Variants in TDG observed in about 807,000 individuals in gnomAD.
The protein encoded by TDG is G/T mismatch-specific thymine DNA glycosylase.
Under a neutral mutation model 46.1 loss-of-function variants are expected in TDG, and 23 were observed. The ratio of observed to expected loss-of-function variants is 0.50; its 90% confidence interval spans 0.36 to 0.71. The LOEUF is 0.71. Among genes scored for constraint, TDG ranks in the 30% least tolerant of loss-of-function variants. TDG has a pLI of 0.00. For missense variants in TDG, 304 were observed against 486.7 expected (o/e 0.62, Z 3.53); for synonymous variants, 115 against 161.3 (o/e 0.71, Z 2.18).
chr12:103,979,148 G>A (rs1049221182), intron 2 of TDG, among the ~76,000 whole-genome samples: 2 of 115,638 alleles, frequency 1.7e-5, no homozygotes, highest in African/African-American at 6.7e-5. Flanking sequence ...TGTTGCCCAG[G>A]CTGGAATGCA....
chr12:103,970,113 G>A (rs964881300), intron 1 of TDG, among the ~76,000 whole-genome samples: 1 of 152,034 alleles, frequency 6.6e-6, no homozygotes, highest in Non-Finnish European at 1.5e-5. Context: ...ATTTAGCCTT[G>A]TTCATTATTT....
intron 1 of TDG, chr12:103,973,009 T>G (rs1871351400): frequency 1.4e-6 from 1 of 702,098 alleles, no homozygotes; most frequent in Non-Finnish European, 2.6e-6. Flanking sequence ...ATTCTGAGAG[T>G]AGTAGTAAGA....
At position 103,982,833 on chromosome 12, in the gene TDG, C is replaced by A; in HGVS notation, c.513C>A (p.Val171=). ...KCLFMSGLSE[V]QLNHMDDHTL... is the part of the protein sequence containing the mutation. ...TGTTTATGTCAGGGCTCAGTGAGGT[C>A]CAGCTGAACCATATGGATGATCACA... Residue 171 remains valine, a synonymous_variant, in exon 5 of 10, where the codon GTC becomes GTA. Coordinates refer to ENST00000392872, the MANE Select transcript of TDG (RefSeq NM_003211.6). 6.2e-7 allele frequency: 1 copy of A among 1,613,578 alleles called. No homozygotes were observed. Among genetic ancestry groups the A allele is most frequent in the Non-Finnish European group, 8.5e-7 (1 of 1,179,976 alleles).
chr12:103,976,837 G>A, intron 1 of TDG, 81 bp from the exon 2 acceptor site: 1 of 1,548,384 alleles, frequency 6.5e-7, no homozygotes, highest in Admixed American at 1.8e-5. Flanking sequence ...ATACTGTACT[G>A]AAGATTTTTG....
intron 7 of TDG, 28 bp from the exon 8 acceptor site, chr12:103,984,721 C>T (rs758622501): frequency 3.6e-6 from 5 of 1,389,624 alleles, no homozygotes; most frequent in Non-Finnish European, 4.7e-6. Flanking sequence ...TATAAGATTT[C>T]TGAAATTATA....
intron 1 of TDG, among the ~76,000 whole-genome samples, chr12:103,966,878 T>C (rs1871060430): frequency 6.6e-6 from 1 of 152,208 alleles, no homozygotes; most frequent in African/African-American, 2.4e-5. Flanking sequence ...AAGGGACTTA[T>C]ATGGGCCTGT....
intron 1 of TDG, among the ~76,000 whole-genome samples, chr12:103,970,877 C>G (rs2136232594): frequency 6.6e-6 from 1 of 152,194 alleles, no homozygotes; most frequent in South Asian, 2.1e-4. Flanking sequence ...AGTCGACCTT[C>G]CATATCTATG....
rs1872176204 is a variant in TDG, at chr12:103,986,836, G to A, written c.1091-112G>A. ...GGAGTTTGAGGCTGCAAAGAGCTGT[G>A]ATCATGCCACTGCATTCCAGCCTGG... is the stretch of plus-strand genomic sequence containing the variant. On this transcript the variant is annotated intron_variant, in intron 9 of 9. Coordinates refer to ENST00000392872, the MANE Select transcript of TDG (RefSeq NM_003211.6). 9.3e-6 allele frequency: 11 copies of A among 1,186,244 alleles called. No homozygotes were observed. The South Asian group carries it at 1.6e-4, about 17-fold the overall frequency. The allele number at this position is 1,186,244 out of a possible 1,614,324, so 73.5% of individuals were successfully genotyped here.
In TDG at chr12:103,983,225, T is replaced by C. The variant is rs1871950160; in HGVS notation, c.697+7T>C. On this transcript the variant is annotated splice_region_variant and intron_variant, in intron 6 of 9. Transcript: ENST00000392872. ...GCAGTGTTTAATGGAAAATGTAAGA[T>C]TTACTTTTAAATTTTTTTTTTCTTT... The C allele has an allele frequency of 6.4e-7, 1 of 1,571,264 alleles. No homozygotes were observed. Among genetic ancestry groups the C allele is most frequent in the East Asian group, 2.3e-5 (1 of 44,272 alleles).
In TDG at chr12:103,987,274, G is replaced by A. The variant is rs1384102040; in HGVS notation, c.*184G>A. On this transcript the variant is annotated 3_prime_UTR_variant, in exon 10 of 10. Coordinates refer to ENST00000392872, the MANE Select transcript of TDG (RefSeq NM_003211.6). ...TAAGTAGTTTGGAAGAAAAAGTAGG[G>A]TTTTTGTATACTAGCTTTTGTATTT... 2.7e-6 allele frequency: 2 copies of A among 751,388 alleles called. No individual in the cohort carries two copies. Among genetic ancestry groups the A allele is most frequent in the Non-Finnish European group, 3.9e-6 (2 of 506,908 alleles). 46.5% of individuals were successfully genotyped at this position (751,388 alleles called of 1,614,324 possible).
intron 1 of TDG, among the ~76,000 whole-genome samples, chr12:103,973,773 CTTAG>C (rs1008851432): frequency 1.3e-5 from 2 of 152,074 alleles, no homozygotes; most frequent in African/African-American, 2.4e-5. Flanking sequence ...TATGTGTAGC[CTTAG>C]TTATACTATT....
At chr12:103,986,403 T>G (rs1040572964) in intron 9 of TDG, 2 of 152,282 alleles carry the variant, frequency 1.3e-5, no homozygotes, top group Non-Finnish European at 2.9e-5. Flanking sequence ...CTTTGATCAT[T>G]TAAAACTTCC....
chr12:103,980,281 T>C (rs1005191659), intron 3 of TDG: 59 of 605,570 alleles, frequency 9.7e-5, no homozygotes, highest in African/African-American at 9.4e-4. Context: ...TCAAATCCTG[T>C]CACAAGTATA....
chr12:103,968,307 G>C (rs1311631874), intron 1 of TDG, among the ~76,000 whole-genome samples: 1 of 152,212 alleles, frequency 6.6e-6, no homozygotes, highest in Admixed American at 6.5e-5. Flanking sequence ...AACTGGAAGA[G>C]AGTAGCATGG....
Position 103,982,854 on chromosome 12 carries a change from T to A in TDG, c.534T>A (p.Asp178Glu). 1 of 1,614,030 alleles carries A rather than the reference T, an allele frequency of 6.2e-7. No homozygotes were observed. Among genetic ancestry groups the A allele is most frequent in the Non-Finnish European group, 8.5e-7 (1 of 1,180,036 alleles). ...AGGTCCAGCTGAACCATATGGATGA[T>A]CACACTCTACCAGGGAAGTATGGTA... ...LSEVQLNHMD[D>E]HTLPGKYGIG... The change falls in exon 5 of 10, where the codon GAT (aspartate) becomes GAA (glutamate). Residue 178 changes from aspartate (D) to glutamate (E), a missense_variant. Asp to Glu is a conservative substitution (Grantham distance 45, BLOSUM62 2). Coordinates refer to ENST00000392872, the MANE Select transcript of TDG (RefSeq NM_003211.6).
At chr12:103,983,458 G>A in intron 7 of TDG, 69 bp downstream of exon 7, 2 of 1,182,168 alleles carry the variant, frequency 1.7e-6, no homozygotes, top group Non-Finnish European at 2.4e-6. Flanking sequence ...TTCCTTATTT[G>A]TCCTATCCAT....
In TDG at chr12:103,988,156, G is replaced by A. The variant is rs1295512180; in HGVS notation, c.*1066G>A. On this transcript the variant is annotated 3_prime_UTR_variant, in exon 10 of 10. Transcript: ENST00000392872. The stretch of plus-strand genomic sequence containing the variant: ...GTGATTTTCTAATGAGTTTTCCATG[G>A]TGCTACAAATAATCCAGACTACCAG... 5.2e-5 allele frequency: 8 copies of A among 152,726 alleles called. No individual in the cohort carries two copies. The highest frequency in any genetic ancestry group is 1.9e-4 in the African/African-American group (8 of 41,602). 9.5% of individuals were successfully genotyped at this position (152,726 alleles called of 1,614,324 possible).
intron 2 of TDG, among the ~76,000 whole-genome samples, chr12:103,979,153 A>G (rs926852387): frequency 6.9e-5 from 9 of 129,906 alleles, no homozygotes; most frequent in African/African-American, 2.7e-4. Flanking sequence ...CCCAGGCTGG[A>G]ATGCAGAGGC....
Position 103,980,846 on chromosome 12 carries a change from T to C in TDG, c.409-47T>C, listed in dbSNP as rs1871785748. The C allele has an allele frequency of 2.5e-6, 4 of 1,576,974 alleles. No individual in the cohort carries two copies. In the East Asian group the frequency reaches 9.0e-5, roughly 35 times the overall value. On this transcript the variant is annotated intron_variant, in intron 3 of 9. Coordinates refer to ENST00000392872, the MANE Select transcript of TDG (RefSeq NM_003211.6). ...ACTCCTCCATAGAAACGCTAAGGCT[T>C]AGGTCCTGCTTTTTAAGATGAAATG...
Sources: allele counts gnomAD v4.1 joint callset (sites outside exome capture counted in the v4.1 genomes callset), GRCh38; gene constraint gnomAD v4.1.1; transcripts MANE v1.5; gene names NCBI Gene and HGNC (gene_info 2026-07-23, HGNC 2026-07-21).